Variants in ARHGEF6 observed in about 807,000 individuals in gnomAD.
ARHGEF6 encodes Rac/Cdc42 guanine nucleotide exchange factor 6.
ARHGEF6 carries 9 observed loss-of-function variants against 70.3 expected under a neutral mutation model. The ratio of observed to expected loss-of-function variants is 0.13; its 90% CI spans 0.08 to 0.22. ARHGEF6 has a LOEUF of 0.22. ARHGEF6 is among the 10% of genes least tolerant of loss of function. ARHGEF6 has a pLI of 1.00. For missense variants in ARHGEF6, 470 were observed against 563.0 expected (o/e 0.83, Z 1.67); for synonymous variants, 201 against 207.8 (o/e 0.97, Z 0.28).
intron 2 of ARHGEF6, among the ~76,000 whole-genome samples, chrX:136,774,990 G>A (rs191482829): frequency 1.8e-5 from 2 of 111,327 alleles, no homozygotes; most frequent in East Asian, 5.6e-4. Context: ...AAGTTTATCT[G>A]GGGCAAAGCT....
intron 21 of ARHGEF6, 92 bp from the exon 22 acceptor site, chrX:136,668,261 ACT>A (rs1478414219): frequency 1.9e-6 from 2 of 1,046,944 alleles, no homozygotes; most frequent in South Asian, 2.0e-5. Flanking sequence ...TTCATCACTG[ACT>A]CTCTTTCTTT....
Position 136,748,325 on chromosome X carries a change from A to T in ARHGEF6, c.250-733T>A, listed in dbSNP as rs562974555. Among the ~76,000 whole-genome samples, 128 of 111,401 alleles carry T rather than the reference A, an allele frequency of 1.1e-3. 1 individual carries two copies. Among genetic ancestry groups the T allele is most frequent in the Middle Eastern group, 4.6e-3 (1 of 216 alleles). ...CCTCTGGCCTGTCTAATACTACTCA[A>T]CTCTTGGCAAAAAACACATTAAGGA... On this transcript the variant is annotated intron_variant, in intron 2 of 21. Transcript: ENST00000250617.
At chrX:136,729,996 T>C (rs1216446085) in intron 6 of ARHGEF6, among the ~76,000 whole-genome samples, 1 of 110,929 alleles carries the variant, frequency 9.0e-6, no homozygotes, top group Non-Finnish European at 1.9e-5. Context: ...TTCACTAACA[T>C]GTTAATAGTG....
At chrX:136,745,121 A>G in intron 4 of ARHGEF6, 102 bp downstream of exon 4, 1 of 1,093,726 alleles carries the variant, frequency 9.1e-7, no homozygotes, top group Non-Finnish European at 1.3e-6. Flanking sequence ...TGATGCCCAA[A>G]ACAACCCGGA....
intron 2 of ARHGEF6, among the ~76,000 whole-genome samples, chrX:136,752,881 T>C (rs12387395): frequency 0.014 from 1,557 of 112,366 alleles, 29 homozygotes; most frequent in African/African-American, 0.048. Context: ...ATCACATTCT[T>C]TAATTCTCAC....
chrX:136,745,437 G>A lies in ARHGEF6; in HGVS notation c.335-90C>T, dbSNP rs1056889659. 1.1e-5 allele frequency: 11 copies of A among 1,037,030 alleles called. No individual in the cohort carries two copies. In the Admixed American group the frequency reaches 2.4e-4, roughly 23 times the overall value. 85.5% of individuals were successfully genotyped at this position (1,037,030 alleles called of 1,213,427 possible). A position where few individuals can be genotyped will look rare whatever the true frequency, so the allele number is the denominator to read the frequency against. On this transcript the variant is annotated intron_variant, in intron 3 of 21. Coordinates refer to ENST00000250617, the MANE Select transcript of ARHGEF6 (RefSeq NM_004840.3). ...CATTATCTTTCTCAGGATACTATCA[G>A]AGGCATCCTGGCTGTAATTCTAACT... is the stretch of plus-strand genomic sequence containing the variant.
chrX:136,666,943 T>C lies in ARHGEF6; in HGVS notation c.*1086A>G, dbSNP rs2076167025. The C allele has an allele frequency of 8.9e-6, 1 of 112,365 alleles. No individual in the cohort carries two copies. Among genetic ancestry groups the C allele is most frequent in the African/African-American group, 3.2e-5 (1 of 30,907 alleles). The allele number at this position is 112,365 out of a possible 1,213,427, so 9.3% of individuals were successfully genotyped here. A position where few individuals can be genotyped will look rare whatever the true frequency, so the allele number is the denominator to read the frequency against. On this transcript the variant is annotated 3_prime_UTR_variant, in exon 22 of 22. Coordinates refer to ENST00000250617, the MANE Select transcript of ARHGEF6 (RefSeq NM_004840.3). ...AGTCCCACCCAAAGAGGCCAATTAA[T>C]ATTACAACTTCTCACAGCATATATG...
At position 136,672,010 on chromosome X, in the gene ARHGEF6, C is replaced by T; in HGVS notation, c.2135+10G>A. 8.4e-7 allele frequency: 1 copy of T among 1,196,442 alleles called. No homozygotes were observed. The highest frequency in any genetic ancestry group is 1.1e-6 in the Non-Finnish European group (1 of 881,495). On this transcript the variant is annotated intron_variant, in intron 20 of 21. Transcript: ENST00000250617. ...GAGAAACTAGGCAAGGTTTTGCCTGCTCTACTCACTTTTCTTCCATGATGG... is the reference window on the plus strand; with the variant it reads ...GAGAAACTAGGCAAGGTTTTGCCTGTTCTACTCACTTTTCTTCCATGATGG...
In ARHGEF6 at chrX:136,719,491, G is replaced by A. The variant is rs191847878; in HGVS notation, c.733-6121C>T. ...ATGAAAGAAGAACATTAAAATGTGC[G>A]GAATGCAGTGAAAGCAGTGCTTGTA... On this transcript the variant is annotated intron_variant, in intron 6 of 21. Transcript: ENST00000250617. Among the ~76,000 whole-genome samples, 7 of 111,566 alleles carry A rather than the reference G, an allele frequency of 6.3e-5. No homozygotes were observed. In the East Asian group the frequency reaches 8.4e-4, roughly 13 times the overall value.
chrX:136,691,609 T>G (rs2076458945), intron 9 of ARHGEF6, among the ~76,000 whole-genome samples: 1 of 112,053 alleles, frequency 8.9e-6, no homozygotes, highest in African/African-American at 3.2e-5. Context: ...TACATGGCCC[T>G]TTTACCTCTT....
chrX:136,723,055 A>G (rs1388401332), intron 6 of ARHGEF6, among the ~76,000 whole-genome samples: 1 of 112,751 alleles, frequency 8.9e-6, no homozygotes, highest in African/African-American at 3.2e-5. Context: ...AAAATATCAC[A>G]CATTATAGAA....
At chrX:136,759,234 A>T (rs951430808) in intron 2 of ARHGEF6, among the ~76,000 whole-genome samples, 2 of 112,587 alleles carry the variant, frequency 1.8e-5, no homozygotes, top group Non-Finnish European at 3.7e-5. Context: ...AATTATTAGT[A>T]CATACCTCTC....
intron 6 of ARHGEF6, among the ~76,000 whole-genome samples, chrX:136,719,755 A>G (rs1403385408): frequency 2.7e-5 from 3 of 111,942 alleles, no homozygotes; most frequent in African/African-American, 9.7e-5. Flanking sequence ...GATGAACTTC[A>G]TTGAAAAAAA....
At chrX:136,713,559 C>A (rs1207342123) in intron 6 of ARHGEF6, among the ~76,000 whole-genome samples, 189 bp from the exon 7 acceptor site, 4 of 112,374 alleles carry the variant, frequency 3.6e-5, no homozygotes, top group Non-Finnish European at 7.5e-5. Context: ...TATTGCATGA[C>A]AACTGGTTAT....
At chrX:136,747,359 A>T in intron 3 of ARHGEF6, 149 bp downstream of exon 3, 1 of 506,666 alleles carries the variant, frequency 2.0e-6, no homozygotes, top group Non-Finnish European at 3.5e-6. Flanking sequence ...AAATTCAAGC[A>T]TTTGACATTT....
At chrX:136,720,956 C>T (rs967594615) in intron 6 of ARHGEF6, among the ~76,000 whole-genome samples, 1 of 111,504 alleles carries the variant, frequency 9.0e-6, no homozygotes, top group Non-Finnish European at 1.9e-5. Context: ...AAGATCTATA[C>T]AAATAAAACT....
In ARHGEF6 at chrX:136,669,500, C is replaced by G; in HGVS notation, c.2172G>C (p.Glu724Asp). ...TTATTACCTGCTTCAGTTCTCTGACCTCGTCCTTCAAGGCGTAAACAGTAT... is the reference window on the plus strand; with the variant it reads ...TTATTACCTGCTTCAGTTCTCTGACGTCGTCCTTCAAGGCGTAAACAGTAT... Reference protein sequence around the residue: ...LVDTVYALKDEVRELKQENKR... With the variant: ...LVDTVYALKDDVRELKQENKR... The change falls in exon 21 of 22, where the codon GAG becomes GAC. Residue 724 changes from glutamate (E) to aspartate (D), a missense_variant. This residue lies in a region of ARHGEF6 where 88 missense variants were observed against 95.5 expected (regional missense o/e 0.92). Transcript: ENST00000250617. The G allele has an allele frequency of 1.7e-6, 2 of 1,209,289 alleles. No individual in the cohort carries two copies. The highest frequency in any genetic ancestry group is 2.2e-6 in the Non-Finnish European group (2 of 893,342).
intron 5 of ARHGEF6, among the ~76,000 whole-genome samples, chrX:136,741,101 C>T (rs780652434): frequency 9.0e-6 from 1 of 111,684 alleles, no homozygotes; most frequent in South Asian, 3.8e-4. Flanking sequence ...GGGGATACCC[C>T]TTTTAACACA....
rs1338034707 is a variant in ARHGEF6 at position 136,667,173 on chromosome X, G to A, written c.*856C>T. 8.9e-6 allele frequency: 1 copy of A among 112,145 alleles called. No individual in the cohort carries two copies. The highest frequency in any genetic ancestry group is 1.9e-5 in the Non-Finnish European group (1 of 53,183). The allele number at this position is 112,145 out of a possible 1,213,427, so 9.2% of individuals were successfully genotyped here. ...CTTGGTAAGGTTGGCTAAAAGTACT[G>A]GGGAAATAGAAAACTTACACACTAG... On this transcript the variant is annotated 3_prime_UTR_variant, in exon 22 of 22. Coordinates refer to ENST00000250617, the MANE Select transcript of ARHGEF6 (RefSeq NM_004840.3).
Sources: allele counts gnomAD v4.1 joint callset (sites outside exome capture counted in the v4.1 genomes callset), GRCh38; gene constraint gnomAD v4.1.1; regional missense constraint gnomAD v4.1.1; transcripts MANE v1.5; gene names NCBI Gene and HGNC (gene_info 2026-07-23, HGNC 2026-07-21).